The following SORCS3 variants were observed in gnomAD, a reference collection of about 807,000 sequenced individuals.
SORCS3 encodes the protein VPS10 domain-containing receptor SorCS3.
Under a neutral mutation model 146.3 loss-of-function variants are expected in SORCS3, and 57 were observed. The ratio of observed to expected loss-of-function variants is 0.39; its 90% CI spans 0.31 to 0.49. The LOEUF (loss-of-function observed/expected upper bound fraction) is 0.49, where lower values mean the gene tolerates loss of function less well. Among genes scored for constraint, SORCS3 ranks in the 20% least tolerant of loss-of-function variants. The pLI, the probability that SORCS3 is intolerant of heterozygous loss-of-function variation, is 0.92. For synonymous variants in SORCS3, 653 were observed against 618.5 expected, an observed-to-expected ratio of 1.06 and a Z score of -0.83; for missense variants, 1,341 against 1,575.5, an observed-to-expected ratio of 0.85 and a Z score of 2.52.
At chr10:105,035,098 C>T (rs1001597490) in intron 4 of SORCS3, among the ~76,000 whole-genome samples, 8 of 152,188 alleles carry the variant, frequency 5.3e-5, no homozygotes, top group African/African-American at 1.9e-4. Flanking sequence ...CTATCCTCCT[C>T]AAACTGGGGC....
chr10:104,999,726 AT>A (rs2055049556), intron 4 of SORCS3, among the ~76,000 whole-genome samples: 1 of 152,152 alleles, frequency 6.6e-6, no homozygotes, highest in Admixed American at 6.6e-5. Context: ...ATTCAGACAC[AT>A]ACAAAGAGTT....
chr10:104,886,749 T>C (rs994823023), intron 2 of SORCS3, among the ~76,000 whole-genome samples: 1 of 152,166 alleles, frequency 6.6e-6, no homozygotes. Context: ...TGAAAGAAGG[T>C]GGGGAAAATA....
intron 8 of SORCS3, among the ~76,000 whole-genome samples, chr10:105,147,072 A>G (rs1306073823): frequency 2.6e-5 from 4 of 152,058 alleles, no homozygotes; most frequent in Non-Finnish European, 1.5e-5. Flanking sequence ...ACAGAATTCC[A>G]CTGTATACAA....
At chr10:104,898,800 G>A (rs143154643) in intron 2 of SORCS3, among the ~76,000 whole-genome samples, 81 of 152,270 alleles carry the variant, frequency 5.3e-4, no homozygotes, top group African/African-American at 1.9e-3. Context: ...GCTGGATCTC[G>A]AAAGCACTGC....
At chr10:105,159,146 A>T in intron 11 of SORCS3, 152 bp downstream of exon 11, 1 of 579,224 alleles carries the variant, frequency 1.7e-6, no homozygotes, top group Non-Finnish European at 3.1e-6. Flanking sequence ...TACCCATCTA[A>T]GAACCTAACA....
chr10:105,081,886 C>T (rs2055628698), intron 5 of SORCS3, among the ~76,000 whole-genome samples: 1 of 152,142 alleles, frequency 6.6e-6, no homozygotes, highest in African/African-American at 2.4e-5. Context: ...GAACAATCTA[C>T]AAGGTAAACA....
chr10:104,887,959 C>CGGGGGGGGG, intron 2 of SORCS3, among the ~76,000 whole-genome samples: 1 of 6,592 alleles, frequency 1.5e-4, no homozygotes, highest in Non-Finnish European at 4.1e-4. Context: ...ATGGTGGGGG[C>CGGGGGGGGG]GGGGGGGCGG....
At chr10:105,001,814 T>A (rs2055063490) in intron 4 of SORCS3, among the ~76,000 whole-genome samples, 1 of 152,206 alleles carries the variant, frequency 6.6e-6, no homozygotes, top group African/African-American at 2.4e-5. Context: ...TCAGGCACAA[T>A]ATGTCTTTCA....
At chr10:105,158,260 A>G (rs1003485614) in intron 10 of SORCS3, among the ~76,000 whole-genome samples, 1 of 152,146 alleles carries the variant, frequency 6.6e-6, no homozygotes, top group Non-Finnish European at 1.5e-5. Context: ...GTTGTACAGA[A>G]TATGTCTCTG....
chr10:104,914,369 AAG>A (rs2019003259), intron 2 of SORCS3, among the ~76,000 whole-genome samples: 1 of 152,126 alleles, frequency 6.6e-6, no homozygotes, highest in Non-Finnish European at 1.5e-5. Context: ...TGGTGCAGAA[AAG>A]AGAGGAGCGG....
intron 2 of SORCS3, among the ~76,000 whole-genome samples, chr10:104,847,730 G>T (rs541333029): frequency 6.6e-6 from 1 of 152,106 alleles, no homozygotes; most frequent in African/African-American, 2.4e-5. Flanking sequence ...GGTAGACCTT[G>T]GTTCTTCACC....
rs112945243 is a variant in SORCS3 at position 104,710,570 on chromosome 10, G to A, written c.627+68616G>A. 1.3e-3 allele frequency among the ~76,000 whole-genome samples: 201 copies of A among 152,286 alleles called. 1 individual carries two copies. The highest frequency in any genetic ancestry group is 4.8e-3 in the Admixed American group (73 of 15,304). The stretch of plus-strand genomic sequence containing the variant: ...CTGTTTGAGAGGGCTTCTCTGGGGA[G>A]GTGATATTTGAGAAAAGCCAGAATG... On this transcript the variant is annotated intron_variant, in intron 1 of 26. Coordinates refer to ENST00000369701, the MANE Select transcript of SORCS3 (RefSeq NM_014978.3).
chr10:104,919,863 C>T (rs774405488), intron 3 of SORCS3, among the ~76,000 whole-genome samples: 1 of 152,118 alleles, frequency 6.6e-6, no homozygotes, highest in African/African-American at 2.4e-5. Flanking sequence ...CTAACTTTCT[C>T]GTAACCAGTA....
At chr10:105,162,326 CT>C (rs765840385) in intron 11 of SORCS3, among the ~76,000 whole-genome samples, 5 of 152,128 alleles carry the variant, frequency 3.3e-5, no homozygotes, top group Non-Finnish European at 7.4e-5. Flanking sequence ...CTCACTCTCC[CT>C]CCTCTCTCAT....
At chr10:104,944,354 A>T (rs976735696) in intron 3 of SORCS3, among the ~76,000 whole-genome samples, 1 of 152,204 alleles carries the variant, frequency 6.6e-6, no homozygotes, top group Non-Finnish European at 1.5e-5. Context: ...ATAGAAGAAA[A>T]GATTGATATG....
Position 104,684,819 on chromosome 10 carries a change from T to G in SORCS3, c.627+42865T>G, listed in dbSNP as rs969041912. 4.6e-3 allele frequency among the ~76,000 whole-genome samples: 209 copies of G among 45,560 alleles called. 13 individuals are homozygous for G. The highest frequency in any genetic ancestry group is 0.019 in the African/African-American group (197 of 10,532). 29.9% of individuals were successfully genotyped at this position (45,560 alleles called of 152,430 possible). A position where few individuals can be genotyped will look rare whatever the true frequency, so the allele number is the denominator to read the frequency against. ...TTTTTTTTTTTTTTTTTTTTTTTTT[T>G]TTTTTTTTTTTTTTATGAGACACAG... is the stretch of plus-strand genomic sequence containing the variant. On this transcript the variant is annotated intron_variant, in intron 1 of 26. Coordinates refer to ENST00000369701, the MANE Select transcript of SORCS3 (RefSeq NM_014978.3).
chr10:105,188,978 T>C (rs533370973), intron 14 of SORCS3, among the ~76,000 whole-genome samples: 38 of 152,278 alleles, frequency 2.5e-4, no homozygotes, highest in African/African-American at 8.9e-4. Flanking sequence ...AACTATTTGC[T>C]TAGAGGAATG....
intron 1 of SORCS3, among the ~76,000 whole-genome samples, chr10:104,814,714 A>G (rs1320706750): frequency 6.6e-6 from 1 of 152,212 alleles, no homozygotes; most frequent in East Asian, 1.9e-4. Context: ...GTTGGGCAGG[A>G]CTGGGTCAAA....
At chr10:105,096,189 A>C (rs2055745504) in intron 6 of SORCS3, among the ~76,000 whole-genome samples, 1 of 151,950 alleles carries the variant, frequency 6.6e-6, no homozygotes, top group Non-Finnish European at 1.5e-5. Flanking sequence ...ACCACAAATC[A>C]ATCAATGAAG....
Sources: gnomAD v4.1 joint callset for allele counts (sites outside exome capture counted in the v4.1 genomes callset) on GRCh38, gnomAD v4.1.1 for gene constraint, MANE v1.5 for transcripts, NCBI Gene and HGNC (gene_info 2026-07-23, HGNC 2026-07-21) for gene names.